KIAA1328: variants seen among roughly 807,000 people sequenced by gnomAD.
The protein encoded by KIAA1328 is KIAA1328.
In KIAA1328, 52 loss-of-function variants were observed where a neutral mutation model predicts 68.1. The ratio of observed to expected loss-of-function variants is 0.76; its 90% CI spans 0.61 to 0.96. The LOEUF (loss-of-function observed/expected upper bound fraction) is 0.96. KIAA1328 is among the 40% of genes least tolerant of loss of function. The pLI, the probability that KIAA1328 is intolerant of heterozygous loss-of-function variation, is 0.00. For synonymous variants in KIAA1328, 232 were observed against 239.4 expected (o/e 0.97, Z 0.28); for missense variants, 641 against 677.6 (o/e 0.95, Z 0.60).
chr18:37,174,703 C>T (rs1210081689), intron 9 of KIAA1328, among the ~76,000 whole-genome samples: 1 of 151,842 alleles, frequency 6.6e-6, no homozygotes, highest in East Asian at 1.9e-4. Context: ...ACGCCATTCT[C>T]CTGCCTCAGC....
intron 7 of KIAA1328, among the ~76,000 whole-genome samples, chr18:37,123,856 T>C (rs376192787): frequency 1.0e-3 from 157 of 152,296 alleles, no homozygotes; most frequent in African/African-American, 3.2e-3. Context: ...GATATATAAA[T>C]TCAATTCTTG....
At position 37,138,293 on chromosome 18, in the gene KIAA1328, A is replaced by T. The variant is rs553208076; in HGVS notation, c.1233-21907A>T. Among the ~76,000 whole-genome samples, 9 of 152,314 alleles carry T rather than the reference A, an allele frequency of 5.9e-5. No homozygotes were observed. In the South Asian group the frequency reaches 1.9e-3, roughly 32 times the overall value. On this transcript the variant is annotated intron_variant, in intron 7 of 9. Transcript: ENST00000280020. ...AGAGGTTAAGTAACTTGGTTAAGAAATTACATCTATCAGAACTTAGAAATA... is the reference window on the plus strand; with the variant it reads ...AGAGGTTAAGTAACTTGGTTAAGAATTTACATCTATCAGAACTTAGAAATA...
At chr18:37,220,344 T>G (rs2060533856) in intron 9 of KIAA1328, among the ~76,000 whole-genome samples, 1 of 152,234 alleles carries the variant, frequency 6.6e-6, no homozygotes, top group Non-Finnish European at 1.5e-5. Flanking sequence ...TAGCAGCATC[T>G]TCAGTTACAA....
chr18:37,131,099 G>A (rs1270464878), intron 7 of KIAA1328, among the ~76,000 whole-genome samples: 1 of 152,114 alleles, frequency 6.6e-6, no homozygotes, highest in Admixed American at 6.6e-5. Context: ...AAGCTCCCTG[G>A]GTGATTCCGA....
chr18:36,845,506 C>G (rs542302248), intron 4 of KIAA1328, among the ~76,000 whole-genome samples: 1 of 151,650 alleles, frequency 6.6e-6, no homozygotes, highest in East Asian at 1.9e-4. Flanking sequence ...TTTGAGCTGC[C>G]AAGCTTGGAG....
intron 7 of KIAA1328, among the ~76,000 whole-genome samples, chr18:37,092,170 G>A (rs556055172): frequency 6.6e-6 from 1 of 152,162 alleles, no homozygotes; most frequent in South Asian, 2.1e-4. Context: ...TGGCACACGT[G>A]CATTCTTTAG....
chr18:36,854,784 CA>C (rs1021282263), intron 4 of KIAA1328, among the ~76,000 whole-genome samples: 1 of 152,010 alleles, frequency 6.6e-6, no homozygotes, highest in Non-Finnish European at 1.5e-5. Flanking sequence ...TTCATCCCTC[CA>C]AAAAAATCTT....
At chr18:36,849,492 T>C (rs1041779156) in intron 4 of KIAA1328, among the ~76,000 whole-genome samples, 4 of 152,066 alleles carry the variant, frequency 2.6e-5, no homozygotes, top group Non-Finnish European at 5.9e-5. Context: ...TGACTCTGGT[T>C]ATTCTATATA....
rs376795039 is a variant in KIAA1328 at position 37,005,663 on chromosome 18, A to G, written c.576+46228A>G. ...GAATACATGTGTTCCCATGTTAATT[A>G]TATCACTGTTCACAAAAGCAAAGAT... On this transcript the variant is annotated intron_variant, in intron 6 of 9. Transcript: ENST00000280020. Among the ~76,000 whole-genome samples the G allele has an allele frequency of 1.3e-4, 20 of 152,256 alleles. No homozygotes were observed. The East Asian group carries it at 3.7e-3, about 28-fold the overall frequency.
chr18:36,929,349 C>T (rs985652672), intron 5 of KIAA1328, among the ~76,000 whole-genome samples: 1 of 152,202 alleles, frequency 6.6e-6, no homozygotes, highest in African/African-American at 2.4e-5. Flanking sequence ...ATGGGCACCT[C>T]TCTTCTATCA....
chr18:37,163,288 G>A (rs1379057694), intron 8 of KIAA1328, among the ~76,000 whole-genome samples: 1 of 152,192 alleles, frequency 6.6e-6, no homozygotes, highest in Non-Finnish European at 1.5e-5. Context: ...TTTCAGAACT[G>A]AAATGTTAAA....
chr18:37,159,341 G>T (rs963568558), intron 7 of KIAA1328, among the ~76,000 whole-genome samples: 1 of 152,148 alleles, frequency 6.6e-6, no homozygotes, highest in Non-Finnish European at 1.5e-5. Flanking sequence ...GATTCCCTTT[G>T]CTTCTGGGGA....
intron 6 of KIAA1328, among the ~76,000 whole-genome samples, chr18:36,988,405 A>G (rs1370183013): frequency 6.6e-6 from 1 of 152,194 alleles, no homozygotes; most frequent in Non-Finnish European, 1.5e-5. Context: ...GCAATAAATT[A>G]TTACCATCCA....
chr18:36,983,682 T>G (rs2151381615), intron 6 of KIAA1328, among the ~76,000 whole-genome samples: 1 of 152,180 alleles, frequency 6.6e-6, no homozygotes, highest in East Asian at 1.9e-4. Context: ...ACTGGTAAAT[T>G]CTACCAAACA....
intron 5 of KIAA1328, chr18:36,946,270 A>G (rs2050896002): frequency 6.6e-6 from 1 of 152,230 alleles, no homozygotes; most frequent in Non-Finnish European, 1.5e-5. Flanking sequence ...AGATAAAATA[A>G]ACACAGAAAG....
chr18:37,118,189 T>G (rs323336), intron 7 of KIAA1328, among the ~76,000 whole-genome samples: 15 of 151,652 alleles, frequency 9.9e-5, no homozygotes, highest in Admixed American at 9.9e-4. Context: ...GAGATGACGT[T>G]TTGCTATGTT....
intron 7 of KIAA1328, among the ~76,000 whole-genome samples, chr18:37,132,762 G>A (rs2058552314): frequency 6.6e-6 from 1 of 152,162 alleles, no homozygotes; most frequent in Non-Finnish European, 1.5e-5. Context: ...ACCTTTGACT[G>A]AAATGTTAAG....
At chr18:36,998,706 A>G (rs1047795849) in intron 6 of KIAA1328, among the ~76,000 whole-genome samples, 3 of 152,302 alleles carry the variant, frequency 2.0e-5, no homozygotes, top group South Asian at 2.1e-4. Context: ...CAGAGACTAC[A>G]TTACTACATG....
intron 6 of KIAA1328, among the ~76,000 whole-genome samples, chr18:36,961,828 A>G (rs1284815638): frequency 3.3e-5 from 5 of 152,202 alleles, no homozygotes; most frequent in Non-Finnish European, 2.9e-5. Context: ...CTAAACATGG[A>G]AGGGAACAAC....
Sources: gnomAD v4.1 joint callset for allele counts (sites outside exome capture counted in the v4.1 genomes callset) on GRCh38, gnomAD v4.1.1 for gene constraint, MANE v1.5 for transcripts, NCBI Gene and HGNC (gene_info 2026-07-23, HGNC 2026-07-21) for gene names.